Variants in ZNF480 observed in about 807,000 individuals in gnomAD.
The protein encoded by ZNF480 is zinc finger protein 480.
ZNF480 carries 15 observed loss-of-function variants against 14.4 expected under a neutral mutation model. The ratio of observed to expected loss-of-function variants is 1.04; its 90% CI spans 0.70 to 1.60. The LOEUF is 1.60. Among genes scored for constraint, ZNF480 ranks in the 40% most tolerant of loss-of-function variants. The pLI, the probability that ZNF480 is intolerant of heterozygous loss-of-function variation, is 0.00. For missense variants in ZNF480, 593 were observed against 629.7 expected, an observed-to-expected ratio of 0.94 and a Z score of 0.62; for synonymous variants, 218 against 215.5, an observed-to-expected ratio of 1.01 and a Z score of -0.10.
Position 52,315,826 on chromosome 19 carries a change from A to G in ZNF480, c.200-8A>G, listed in dbSNP as rs1467231711. Reference sequence around the variant, plus strand: ...ACAGCACATTTTGATTTTTTTTTTTACAAACAGGAATCTCTCTTCCTGACC... The same window carrying G: ...ACAGCACATTTTGATTTTTTTTTTTGCAAACAGGAATCTCTCTTCCTGACC... On this transcript the variant is annotated splice_region_variant and splice_polypyrimidine_tract_variant and intron_variant, in intron 3 of 4. Coordinates refer to ENST00000595962, the MANE Select transcript of ZNF480 (RefSeq NM_144684.4). 4.4e-6 allele frequency: 7 copies of G among 1,590,358 alleles called. No homozygotes were observed. Among genetic ancestry groups the G allele is most frequent in the Non-Finnish European group, 8.5e-7 (1 of 1,169,872 alleles).
intron 2 of ZNF480, among the ~76,000 whole-genome samples, chr19:52,305,992 A>G (rs1003289654): frequency 6.6e-6 from 1 of 152,070 alleles, no homozygotes; most frequent in Non-Finnish European, 1.5e-5. Context: ...TTTCAATATG[A>G]TCATGCTTCC....
intron 2 of ZNF480, 152 bp downstream of exon 2, chr19:52,300,636 G>GCCAACATGGTGAAACCCCGTC: frequency 7.3e-7 from 1 of 1,363,128 alleles, no homozygotes; most frequent in African/African-American, 1.4e-5. Flanking sequence ...GACCAGCTTG[G>GCCAACATGGTGAAACCCCGTC]TCGTGGGGAC....
rs79184934 is a variant in ZNF480 at position 52,322,138 on chromosome 19, C to T, written c.888C>T (p.Phe296=). Residue 296 remains phenylalanine, a synonymous_variant, in exon 5 of 5, where the codon TTC becomes TTT. Coordinates refer to ENST00000595962, the MANE Select transcript of ZNF480 (RefSeq NM_144684.4). ...PYECNECGKV[F]SNNSYLARHQ... ...AATGTAATGAATGTGGTAAAGTCTT[C>T]AGTAATAATTCTTACCTTGCACGAC... The T allele has an allele frequency of 6.9e-4, 1,112 of 1,613,904 alleles. 13 individuals carry two copies. In the East Asian group the frequency reaches 0.021, roughly 30 times the overall value.
At chr19:52,313,576 G>A (rs1324948159) in intron 2 of ZNF480, among the ~76,000 whole-genome samples, 1 of 152,198 alleles carries the variant, frequency 6.6e-6, no homozygotes, top group East Asian at 1.9e-4. Context: ...AAAAATAATA[G>A]CTAATGCTTC....
intron 3 of ZNF480, among the ~76,000 whole-genome samples, chr19:52,315,133 A>G (rs1443681624): frequency 1.3e-5 from 2 of 151,406 alleles, no homozygotes; most frequent in East Asian, 2.0e-4. Flanking sequence ...TAATTTTTCT[A>G]TATTTCATTT....
chr19:52,300,232 T>C (rs1982622023), intron 1 of ZNF480, among the ~76,000 whole-genome samples, 162 bp from the exon 2 acceptor site: 2 of 152,178 alleles, frequency 1.3e-5, no homozygotes, highest in South Asian at 4.1e-4. Context: ...AACTCACTTG[T>C]TGTTCTTCCT....
chr19:52,308,647 T>C (rs2122530785), intron 2 of ZNF480: 1 of 152,270 alleles, frequency 6.6e-6, no homozygotes, highest in Non-Finnish European at 1.5e-5. Flanking sequence ...TAAACGCCTT[T>C]CCCAGTTTTT....
chr19:52,321,967 CT>C lies in ZNF480; in HGVS notation c.720del (p.Phe240LeufsTer91), dbSNP rs747213359. The C allele has an allele frequency of 6.2e-7, 1 of 1,612,396 alleles. No homozygotes were observed. The highest frequency in any genetic ancestry group is 1.7e-5 in the Admixed American group (1 of 59,978). ...ACAAATGTAATTCATGCGGCAAGGT[CT>C]TTAGTCGCAATTCACACCTTGCAGA... Reference protein sequence around the residue: ...PYKCNSCGKVFSRNSHLAEHC... With the variant: ...PYKCNSCGKVXSRNSHLAEHC... On this transcript the variant is annotated frameshift_variant, in exon 5 of 5. Coordinates refer to ENST00000595962, the MANE Select transcript of ZNF480 (RefSeq NM_144684.4). LOFTEE classifies it low-confidence loss of function (END_TRUNC).
chr19:52,312,822 T>G (rs576723209), intron 2 of ZNF480, among the ~76,000 whole-genome samples: 1 of 110,472 alleles, frequency 9.1e-6, no homozygotes, highest in Admixed American at 8.7e-5. Context: ...CCCAGTTTTA[T>G]AATTCTTTTT....
Position 52,300,586 on chromosome 19 carries a change from A to C in ZNF480, c.72+102A>C, listed in dbSNP as rs2122511990. On this transcript the variant is annotated intron_variant, in intron 2 of 4. Transcript: ENST00000595962. ...CTGAGTCTGAAGTGTCCTGCCTGAC[A>C]GGTTTGCTCACGCTTACCTATGCCT... 1.4e-5 allele frequency: 22 copies of C among 1,580,786 alleles called. No homozygotes were observed. The South Asian group carries it at 2.4e-4, about 18-fold the overall frequency.
In ZNF480 at chr19:52,321,689, G is replaced by C; in HGVS notation, c.439G>C (p.Val147Leu). 6.2e-7 allele frequency: 1 copy of C among 1,614,056 alleles called. No homozygotes were observed. Among genetic ancestry groups the C allele is most frequent in the East Asian group, 2.2e-5 (1 of 44,864 alleles). The stretch of plus-strand genomic sequence containing the variant: ...ACTGGAGCTATTTCCAGATGAAAGG[G>C]TAATAAATGGATGTAATCAAGTTGA... Reference protein sequence around the residue: ...SELELFPDERVINGCNQVENF... With the variant: ...SELELFPDERLINGCNQVENF... Residue 147 changes from valine (V) to leucine (L), a missense_variant, in exon 5 of 5, where the codon GTA (valine) becomes CTA (leucine). Transcript: ENST00000595962.
rs1226936297 is a variant in ZNF480, at chr19:52,323,679, A to C, written c.*821A>C. The C allele has an allele frequency of 6.6e-6, 1 of 152,208 alleles. No homozygotes were observed. The highest frequency in any genetic ancestry group is 1.5e-5 in the Non-Finnish European group (1 of 68,042). The allele number at this position is 152,208 out of a possible 1,614,324, so 9.4% of individuals were successfully genotyped here. A position where few individuals can be genotyped will look rare whatever the true frequency, so the allele number is the denominator to read the frequency against. On this transcript the variant is annotated 3_prime_UTR_variant, in exon 5 of 5. Coordinates refer to ENST00000595962, the MANE Select transcript of ZNF480 (RefSeq NM_144684.4). ...TCAATAAATGTGATTTATCACATAC[A>C]CAGAACTAAAAACAAAAACCACATG...
intron 2 of ZNF480, among the ~76,000 whole-genome samples, chr19:52,305,069 A>G (rs1297842451): frequency 6.6e-6 from 1 of 152,202 alleles, no homozygotes; most frequent in Non-Finnish European, 1.5e-5. Context: ...ACTGCACTCC[A>G]GCCTAGGGGA....
chr19:52,316,120 G>A (rs1333040560), intron 4 of ZNF480, among the ~76,000 whole-genome samples, 158 bp downstream of exon 4: 1 of 152,060 alleles, frequency 6.6e-6, no homozygotes, highest in Non-Finnish European at 1.5e-5. Flanking sequence ...GAGACAGAGC[G>A]AGACTCAGTT....
rs780025640 is a variant in ZNF480 at position 52,321,981 on chromosome 19, C to A, written c.731C>A (p.Ser244Ter). 6.2e-7 allele frequency: 1 copy of A among 1,612,288 alleles called. No homozygotes were observed. The highest frequency in any genetic ancestry group is 1.3e-5 in the African/African-American group (1 of 74,894). Residue 244 changes from serine (S) to a stop codon, truncating the protein, a stop_gained, in exon 5 of 5, where the codon TCA becomes TAA. Coordinates refer to ENST00000595962, the MANE Select transcript of ZNF480 (RefSeq NM_144684.4). LOFTEE classifies it low-confidence loss of function (END_TRUNC). ...TGCGGCAAGGTCTTTAGTCGCAATT[C>A]ACACCTTGCAGAACATTGTAGAATT... is the stretch of plus-strand genomic sequence containing the variant. ...NSCGKVFSRN[S>*]HLAEHCRIHT...
chr19:52,319,799 A>G (rs1179404850), intron 4 of ZNF480, among the ~76,000 whole-genome samples: 2 of 138,946 alleles, frequency 1.4e-5, no homozygotes. Flanking sequence ...TGGTCTTTGT[A>G]GCTGATACTG....
At chr19:52,312,611 T>G (rs1384249054) in intron 2 of ZNF480, among the ~76,000 whole-genome samples, 2 of 152,226 alleles carry the variant, frequency 1.3e-5, no homozygotes, top group East Asian at 3.8e-4. Flanking sequence ...GATCTGGTGC[T>G]TACTTTGCTG....
In ZNF480 at chr19:52,322,608, A is replaced by G; in HGVS notation, c.1358A>G (p.Lys453Arg). 1 of 1,614,132 alleles carries G rather than the reference A, an allele frequency of 6.2e-7. No homozygotes were observed. The highest frequency in any genetic ancestry group is 8.5e-7 in the Non-Finnish European group (1 of 1,180,002). ...CATCTTGTAATCCACACTGGAGAGAAGCCTTACAAATGTAGTGAATGTGGC... is the reference window on the plus strand; with the variant it reads ...CATCTTGTAATCCACACTGGAGAGAGGCCTTACAAATGTAGTGAATGTGGC... ...SAHLVIHTGE[K>R]PYKCSECGKA... The change falls in exon 5 of 5, where the codon AAG becomes AGG. Residue 453 changes from lysine to arginine, a missense_variant. Transcript: ENST00000595962.
At chr19:52,316,417 A>G (rs928711231) in intron 4 of ZNF480, among the ~76,000 whole-genome samples, 1 of 152,022 alleles carries the variant, frequency 6.6e-6, no homozygotes, top group Non-Finnish European at 1.5e-5. Context: ...TTCAGTTAAG[A>G]CAGGGTTTCA....
Sources: gnomAD v4.1 joint callset for allele counts (sites outside exome capture counted in the v4.1 genomes callset) on GRCh38, gnomAD v4.1.1 for gene constraint, MANE v1.5 for transcripts, NCBI Gene and HGNC (gene_info 2026-07-23, HGNC 2026-07-21) for gene names.